RXYLT1: variants seen among roughly 807,000 people sequenced by gnomAD.
RXYLT1 encodes ribitol-5-phosphate xylosyltransferase 1.
Under a neutral mutation model 43.5 loss-of-function variants are expected in RXYLT1, and 41 were observed. The observed-to-expected ratio is 0.94, with a 90% CI of 0.73 to 1.22. RXYLT1 has a LOEUF of 1.22. Ranked by LOEUF, RXYLT1 falls within the 50% of genes most tolerant of loss-of-function variation. The pLI, the probability that RXYLT1 is intolerant of heterozygous loss-of-function variation, is 0.00. For missense variants in RXYLT1, 514 were observed against 532.0 expected (o/e 0.97, Z 0.33); for synonymous variants, 166 against 194.4 (o/e 0.85, Z 1.21).
intron 2 of RXYLT1, among the ~76,000 whole-genome samples, chr12:63,782,109 A>G (rs1354897912): frequency 6.6e-6 from 1 of 152,078 alleles, no homozygotes; most frequent in Non-Finnish European, 1.5e-5. Flanking sequence ...TTTCAATCTG[A>G]TAAGTGCAAA....
chr12:63,780,522 A>C (rs1897656184), intron 1 of RXYLT1: 1 of 1,040,594 alleles, frequency 9.6e-7, no homozygotes, highest in African/African-American at 1.7e-5. Context: ...AGTGACCATA[A>C]GGCAGACTTT....
At chr12:63,789,034 A>G (rs1309350217) in intron 3 of RXYLT1, among the ~76,000 whole-genome samples, 1 of 152,170 alleles carries the variant, frequency 6.6e-6, no homozygotes, top group Non-Finnish European at 1.5e-5. Flanking sequence ...TAAGCAGAAA[A>G]GAGGGATAAG....
intron 2 of RXYLT1, among the ~76,000 whole-genome samples, chr12:63,782,128 G>C (rs1016162708): frequency 6.6e-6 from 1 of 151,890 alleles, no homozygotes; most frequent in East Asian, 1.9e-4. Flanking sequence ...AAGTGGCCAA[G>C]TGAATTTCAT....
intron 3 of RXYLT1, among the ~76,000 whole-genome samples, chr12:63,801,350 G>C (rs902836102): frequency 2.6e-5 from 4 of 152,136 alleles, no homozygotes; most frequent in African/African-American, 9.7e-5. Context: ...CATTGAGTCA[G>C]ATGAAGAGTG....
At chr12:63,805,065 A>G in intron 4 of RXYLT1, 169 bp from the exon 5 acceptor site, 3 of 463,854 alleles carry the variant, frequency 6.5e-6, no homozygotes, top group South Asian at 6.5e-5. Context: ...TTTTTAAGTC[A>G]GTAGATTCAG....
intron 3 of RXYLT1, chr12:63,795,723 C>G (rs1182473471): frequency 6.6e-6 from 1 of 151,994 alleles, no homozygotes. Flanking sequence ...ATACCAGACT[C>G]ATTTCTCCTC....
chr12:63,791,030 C>T (rs1555226738), intron 3 of RXYLT1, among the ~76,000 whole-genome samples: 1 of 151,996 alleles, frequency 6.6e-6, no homozygotes, highest in Non-Finnish European at 1.5e-5. Flanking sequence ...TTTCTGTTTC[C>T]ATTACTGTCT....
At chr12:63,801,899 CT>C (rs1183523658) in intron 3 of RXYLT1, among the ~76,000 whole-genome samples, 191 bp from the exon 4 acceptor site, 3 of 152,130 alleles carry the variant, frequency 2.0e-5, no homozygotes, top group Non-Finnish European at 4.4e-5. Context: ...ACAGCCAAAG[CT>C]TACCATTAAT....
chr12:63,793,862 G>A (rs1025668038), intron 3 of RXYLT1, among the ~76,000 whole-genome samples: 3 of 152,190 alleles, frequency 2.0e-5, no homozygotes, highest in Admixed American at 1.3e-4. Flanking sequence ...TAGGTTAATC[G>A]CCCTTACCTA....
intron 3 of RXYLT1, among the ~76,000 whole-genome samples, chr12:63,799,551 A>G (rs1464008432): frequency 2.0e-5 from 3 of 152,010 alleles, no homozygotes; most frequent in African/African-American, 2.4e-5. Flanking sequence ...TCAGTCAACT[A>G]AAGTGCTGGG....
At chr12:63,788,877 C>G (rs1203796553) in intron 3 of RXYLT1, among the ~76,000 whole-genome samples, 1 of 152,198 alleles carries the variant, frequency 6.6e-6, no homozygotes, top group African/African-American at 2.4e-5. Flanking sequence ...CAGCTTTTGA[C>G]ATGCCTTCCT....
chr12:63,803,340 A>G (rs1294061995), intron 4 of RXYLT1, among the ~76,000 whole-genome samples: 1 of 151,698 alleles, frequency 6.6e-6, no homozygotes, highest in Admixed American at 6.6e-5. Flanking sequence ...TCCTGAGAGC[A>G]GGGATTTTTG....
chr12:63,781,291 T>C, intron 2 of RXYLT1, 117 bp downstream of exon 2: 1 of 1,132,060 alleles, frequency 8.8e-7, no homozygotes. Flanking sequence ...CATCATGATA[T>C]ATTTTTTCGC....
At position 63,802,952 on chromosome 12, in the gene RXYLT1, C is replaced by T. The variant is rs1005064932; in HGVS notation, c.743+547C>T. Among the ~76,000 whole-genome samples, 8 of 150,880 alleles carry T rather than the reference C, an allele frequency of 5.3e-5. No individual in the cohort carries two copies. The South Asian group carries it at 1.5e-3, about 28-fold the overall frequency. On this transcript the variant is annotated intron_variant, in intron 4 of 5. Transcript: ENST00000261234. ...TGGGAGGCCAACTAGGCAGATTGCT[C>T]GAGTCCAGGAGTTCAAGAGCATCCT...
chr12:63,780,145 C>A lies in RXYLT1; in HGVS notation c.169+16C>A, dbSNP rs944677193. ...CGCGGCCGAGGTAGGACTGGGTCGGCGGCTTCCTTCCGGCTCTGCGCTCCT... is the reference window on the plus strand; with the variant it reads ...CGCGGCCGAGGTAGGACTGGGTCGGAGGCTTCCTTCCGGCTCTGCGCTCCT... On this transcript the variant is annotated intron_variant, in intron 1 of 5. Coordinates refer to ENST00000261234, the MANE Select transcript of RXYLT1 (RefSeq NM_014254.3). 5.5e-6 allele frequency: 8 copies of A among 1,457,234 alleles called. No homozygotes were observed. In the Admixed American group the frequency reaches 8.6e-5, roughly 16 times the overall value. The allele number at this position is 1,457,234 out of a possible 1,614,324, so 90.3% of individuals were successfully genotyped here.
rs1304389287 is a variant in RXYLT1 at position 63,784,951 on chromosome 12, T to G, written c.326-19T>G. ...AGACAGTAAATTGTTTTGATTTTGT[T>G]TTTGTTGTTAATTACCAGGCTTGTA... On this transcript the variant is annotated intron_variant, in intron 2 of 5. Transcript: ENST00000261234. The G allele has an allele frequency of 6.2e-7, 1 of 1,607,186 alleles. No homozygotes were observed. Among genetic ancestry groups the G allele is most frequent in the Non-Finnish European group, 8.5e-7 (1 of 1,174,152 alleles).
intron 3 of RXYLT1, among the ~76,000 whole-genome samples, chr12:63,798,580 T>A (rs1276976782): frequency 1.3e-5 from 2 of 152,216 alleles, no homozygotes; most frequent in Non-Finnish European, 2.9e-5. Context: ...TTTTAAATAT[T>A]TATGGGAAAC....
chr12:63,782,092 TCTC>T (rs1313952665), intron 2 of RXYLT1, among the ~76,000 whole-genome samples: 7 of 152,180 alleles, frequency 4.6e-5, no homozygotes, highest in Non-Finnish European at 1.0e-4. Context: ...TTTCCAGACT[TCTC>T]TCTTTTCAAT....
intron 3 of RXYLT1, among the ~76,000 whole-genome samples, chr12:63,787,444 A>G (rs1897829263): frequency 6.6e-6 from 1 of 152,192 alleles, no homozygotes; most frequent in Non-Finnish European, 1.5e-5. Context: ...GGTTTAAATC[A>G]GCTTCTTCCA....
Sources: allele counts gnomAD v4.1 joint callset (sites outside exome capture counted in the v4.1 genomes callset), GRCh38; gene constraint gnomAD v4.1.1; transcripts MANE v1.5; gene names NCBI Gene and HGNC (gene_info 2026-07-23, HGNC 2026-07-21).